KALRN: variants seen among roughly 807,000 people sequenced by gnomAD.
The protein encoded by KALRN is kalirin RhoGEF kinase, also known as kalirin.
A neutral mutation model predicts 353.7 loss-of-function variants in KALRN; 70 were observed. The observed-to-expected ratio is 0.20, with a 90% CI of 0.16 to 0.24. KALRN has a LOEUF of 0.24. Ranked by LOEUF, KALRN falls within the 10% of genes least tolerant of loss-of-function variation. The pLI is 1.00. For missense variants in KALRN, 2,791 were observed against 3,756.7 expected (o/e 0.74, Z 6.72); for synonymous variants, 1,391 against 1,434.8 (o/e 0.97, Z 0.69).
At chr3:124,597,186 C>T (rs1676402119) in intron 34 of KALRN, among the ~76,000 whole-genome samples, 1 of 152,150 alleles carries the variant, frequency 6.6e-6, no homozygotes, top group Admixed American at 6.6e-5. Flanking sequence ...AGGCTGAGCA[C>T]TTTTTGTGTT....
intron 1 of KALRN, among the ~76,000 whole-genome samples, chr3:124,068,392 A>G (rs984561190): frequency 1.4e-4 from 22 of 152,216 alleles, no homozygotes; most frequent in African/African-American, 5.1e-4. Flanking sequence ...AATTAGAACT[A>G]AAACCAAAAA....
intron 1 of KALRN, among the ~76,000 whole-genome samples, chr3:124,204,303 T>G (rs2076216651): frequency 6.6e-6 from 1 of 152,218 alleles, no homozygotes; most frequent in African/African-American, 2.4e-5. Context: ...AATATAAATG[T>G]AGATACCAAA....
intron 56 of KALRN, among the ~76,000 whole-genome samples, chr3:124,701,670 C>T (rs1226794714): frequency 6.6e-6 from 1 of 152,172 alleles, no homozygotes; most frequent in Non-Finnish European, 1.5e-5. Flanking sequence ...TCCCTTCTCT[C>T]TCTGCATCCT....
At chr3:124,076,722 G>A (rs1469622209) in intron 1 of KALRN, among the ~76,000 whole-genome samples, 1 of 152,210 alleles carries the variant, frequency 6.6e-6, no homozygotes, top group East Asian at 1.9e-4. Context: ...TATAGATGAT[G>A]AGTGGCAGCA....
chr3:124,247,656 C>T (rs2070499878), intron 3 of KALRN, among the ~76,000 whole-genome samples: 1 of 152,186 alleles, frequency 6.6e-6, no homozygotes. Flanking sequence ...CTCCCACTGT[C>T]CCCCTGACCT....
chr3:124,523,659 T>A (rs1190271291), intron 33 of KALRN, among the ~76,000 whole-genome samples: 2 of 152,270 alleles, frequency 1.3e-5, no homozygotes, highest in African/African-American at 2.4e-5. Context: ...ATCTGATGAC[T>A]GGTTAATCAC....
At chr3:124,509,967 G>A (rs2065701655) in intron 33 of KALRN, among the ~76,000 whole-genome samples, 1 of 152,164 alleles carries the variant, frequency 6.6e-6, no homozygotes, top group Non-Finnish European at 1.5e-5. Flanking sequence ...TTGACAGCAA[G>A]GGAGGATACA....
Position 124,395,331 on chromosome 3 carries a change from C to T in KALRN, c.2159C>T (p.Pro720Leu). The T allele has an allele frequency of 6.2e-7, 1 of 1,611,884 alleles. No individual in the cohort carries two copies. Among genetic ancestry groups the T allele is most frequent in the Admixed American group, 1.7e-5 (1 of 59,692 alleles). Residue 720 changes from proline (P) to leucine (L), a missense_variant, in exon 12 of 60, where the codon CCC becomes CTC. Pro to Leu is a moderately conservative substitution (Grantham distance 98). Around this residue, in one of 11 missense-constraint regions of KALRN, gnomAD observed 452 missense variants for 575.8 expected, o/e 0.78. Transcript: ENST00000682506. ...TCAGCGCCTCCCTCCCTCGGGGAGC[C>T]CAGCGAGGCCAGGTCAGCATGGGCA... The part of the protein sequence containing the change: ...LRSAPPSLGE[P>L]SEARDSAVSN...
rs2063341906 is a variant in KALRN at position 124,720,846 on chromosome 3, T to C, written c.*1376T>C. On this transcript the variant is annotated 3_prime_UTR_variant, in exon 60 of 60. Coordinates refer to ENST00000682506, the MANE Select transcript of KALRN (RefSeq NM_001388419.1). Reference sequence around the variant, plus strand: ...TTTCTTTATTTTTGTTCATTTGTTTTGGAGGGAGGGAGCTTGTTTTTTGTG... The same window carrying C: ...TTTCTTTATTTTTGTTCATTTGTTTCGGAGGGAGGGAGCTTGTTTTTTGTG... 6.6e-6 allele frequency: 1 copy of C among 152,358 alleles called. No individual in the cohort carries two copies. Among genetic ancestry groups the C allele is most frequent in the South Asian group, 2.1e-4 (1 of 4,828 alleles). The allele number at this position is 152,358 out of a possible 1,614,324, so 9.4% of individuals were successfully genotyped here. A position where few individuals can be genotyped will look rare whatever the true frequency, so the allele number is the denominator to read the frequency against.
chr3:124,067,705 C>T (rs1344564709), intron 1 of KALRN, among the ~76,000 whole-genome samples: 15 of 152,188 alleles, frequency 9.9e-5, no homozygotes, highest in Admixed American at 4.6e-4. Context: ...AATTGAGAAG[C>T]GAGCAGGAGG....
intron 1 of KALRN, among the ~76,000 whole-genome samples, chr3:124,046,983 C>CTTTT (rs201245508): frequency 2.6e-5 from 3 of 116,914 alleles, no homozygotes; most frequent in Non-Finnish European, 5.4e-5. Context: ...GGAAATGTAT[C>CTTTT]TTTTTTTTTT....
intron 1 of KALRN, among the ~76,000 whole-genome samples, chr3:124,103,927 G>A (rs1303295624): frequency 6.6e-6 from 1 of 152,062 alleles, no homozygotes; most frequent in Non-Finnish European, 1.5e-5. Flanking sequence ...CTGCACTCTA[G>A]CCTGGGTGGC....
chr3:124,656,484 G>A (rs1035040616), intron 39 of KALRN, among the ~76,000 whole-genome samples: 3 of 152,122 alleles, frequency 2.0e-5, no homozygotes, highest in African/African-American at 4.8e-5. Context: ...GGTGGTGGGC[G>A]CCTGTAGTCC....
intron 1 of KALRN, among the ~76,000 whole-genome samples, chr3:124,203,853 G>A (rs934890940): frequency 1.3e-5 from 2 of 152,166 alleles, no homozygotes; most frequent in Non-Finnish European, 2.9e-5. Flanking sequence ...TGAGCAACAC[G>A]GGTTTGAATT....
At chr3:124,452,817 G>A (rs1445396984) in intron 21 of KALRN, among the ~76,000 whole-genome samples, 3 of 152,282 alleles carry the variant, frequency 2.0e-5, no homozygotes, top group South Asian at 2.1e-4. Flanking sequence ...TGCTGACTCC[G>A]AATCACAATT....
chr3:124,125,189 A>G (rs968796755), intron 1 of KALRN, among the ~76,000 whole-genome samples: 1 of 152,218 alleles, frequency 6.6e-6, no homozygotes, highest in Non-Finnish European at 1.5e-5. Context: ...GGAATCCACA[A>G]TAGCCTTCTG....
At chr3:124,371,899 A>G (rs936909010) in intron 10 of KALRN, among the ~76,000 whole-genome samples, 1 of 151,998 alleles carries the variant, frequency 6.6e-6, no homozygotes, top group South Asian at 2.1e-4. Flanking sequence ...CATTCTTTCT[A>G]TTTTTTGTAG....
chr3:124,405,745 G>A (rs983691423), intron 13 of KALRN, among the ~76,000 whole-genome samples: 16 of 143,382 alleles, frequency 1.1e-4, no homozygotes, highest in African/African-American at 2.3e-4. Flanking sequence ...CTGGGTTCAC[G>A]CCATTCTCCT....
chr3:124,628,605 T>A (rs2080373584), intron 34 of KALRN, among the ~76,000 whole-genome samples: 1 of 150,392 alleles, frequency 6.6e-6, no homozygotes, highest in Non-Finnish European at 1.5e-5. Flanking sequence ...CTTCTTTCTC[T>A]TGCTCTGTTG....
Sources: gnomAD v4.1 joint callset for allele counts (sites outside exome capture counted in the v4.1 genomes callset) on GRCh38, gnomAD v4.1.1 for gene constraint, gnomAD v4.1.1 regional missense constraint, MANE v1.5 for transcripts, NCBI Gene and HGNC (gene_info 2026-07-23, HGNC 2026-07-21) for gene names.